The following NAF1 variants were observed in gnomAD, a reference collection of about 807,000 sequenced individuals.
NAF1 encodes the protein nuclear assembly factor 1 ribonucleoprotein, also known as H/ACA ribonucleoprotein complex non-core subunit NAF1.
Under a neutral mutation model 40.6 loss-of-function variants are expected in NAF1, and 11 were observed. The ratio of observed to expected loss-of-function variants is 0.27; its 90% CI spans 0.17 to 0.45. The LOEUF (loss-of-function observed/expected upper bound fraction) is 0.45. Among genes scored for constraint, NAF1 ranks in the 20% least tolerant of loss-of-function variants. The pLI is 1.00. For synonymous variants in NAF1, 260 were observed against 228.5 expected (o/e 1.14, Z -1.24); for missense variants, 607 against 611.1 (o/e 0.99, Z 0.07).
rs138394905 is a variant in NAF1 at position 163,165,276 on chromosome 4, T to C, written c.366-885A>G. Among the ~76,000 whole-genome samples the C allele has an allele frequency of 7.9e-3, 1,199 of 152,340 alleles. 9 individuals are homozygous for C. The highest frequency in any genetic ancestry group is 0.061 in the Middle Eastern group (18 of 294). On this transcript the variant is annotated intron_variant, in intron 1 of 7. Coordinates refer to ENST00000274054, the MANE Select transcript of NAF1 (RefSeq NM_138386.3). The stretch of plus-strand genomic sequence containing the variant: ...TTCACTGCTGTTAACTGGCAAAAAG[T>C]TGTACCCCTTTTGACTTCTTCAAAT...
downstream of NAF1, among the ~76,000 whole-genome samples, chr4:163,122,530 T>C (rs1314803759): frequency 6.6e-6 from 1 of 152,234 alleles, no homozygotes; most frequent in Non-Finnish European, 1.5e-5. Context: ...TACTAGTCAC[T>C]TACCTACACA....
At chr4:163,152,884 T>C (rs1164796181) in intron 2 of NAF1, among the ~76,000 whole-genome samples, 1 of 152,182 alleles carries the variant, frequency 6.6e-6, no homozygotes, top group East Asian at 1.9e-4. Flanking sequence ...CGCGCGGCGC[T>C]TGCGGGCCAG....
chr4:163,154,224 C>T (rs558821014), intron 2 of NAF1, among the ~76,000 whole-genome samples: 1 of 152,344 alleles, frequency 6.6e-6, no homozygotes, highest in South Asian at 2.1e-4. Context: ...CACACTAGTA[C>T]TCTGTAATAT....
chr4:163,107,262 C>T (rs1310801285), downstream of NAF1, among the ~76,000 whole-genome samples: 1 of 152,232 alleles, frequency 6.6e-6, no homozygotes, highest in Non-Finnish European at 1.5e-5. Flanking sequence ...GTTGGGATTA[C>T]AGGCATGAGC....
chr4:163,118,414 T>G (rs1358321182), intron 2 of NAF1, among the ~76,000 whole-genome samples: 5 of 152,222 alleles, frequency 3.3e-5, no homozygotes, highest in African/African-American at 1.2e-4. Flanking sequence ...GTATGAGAAC[T>G]GAAGTCTATT....
At chr4:163,133,719 T>C (rs1464765658) in intron 6 of NAF1, 1 of 153,776 alleles carries the variant, frequency 6.5e-6, no homozygotes, top group Non-Finnish European at 1.4e-5. Flanking sequence ...TTAAATATAA[T>C]TTTAGGTACA....
chr4:163,127,840 G>A (rs1275352517), downstream of NAF1, among the ~76,000 whole-genome samples: 2 of 152,118 alleles, frequency 1.3e-5, no homozygotes, highest in Non-Finnish European at 2.9e-5. Flanking sequence ...TACAAATACT[G>A]TTTCCTAAGT....
At chr4:163,125,306 G>A (rs1390074345), downstream of NAF1, among the ~76,000 whole-genome samples, 2 of 152,208 alleles carry the variant, frequency 1.3e-5, no homozygotes, top group South Asian at 2.1e-4. Context: ...GACAGCTGAG[G>A]CAAACTAAAA....
intron 2 of NAF1, chr4:163,157,572 T>C (rs1010750857): frequency 2.0e-5 from 3 of 151,942 alleles, no homozygotes; most frequent in Non-Finnish European, 4.4e-5. Flanking sequence ...AGAAATTATA[T>C]ACTAGATCCC....
intron 2 of NAF1, among the ~76,000 whole-genome samples, chr4:163,118,898 T>C (rs1428535996): frequency 6.6e-6 from 1 of 152,264 alleles, no homozygotes; most frequent in Non-Finnish European, 1.5e-5. Flanking sequence ...GTCCTTTGAC[T>C]AGAACTCTAT....
At chr4:163,110,988 T>C (rs1416193950) in intron 2 of NAF1, among the ~76,000 whole-genome samples, 1 of 152,180 alleles carries the variant, frequency 6.6e-6, no homozygotes, top group African/African-American at 2.4e-5. Context: ...CCGGAAACAT[T>C]TTAAAAAAGG....
At chr4:163,123,002 T>C (rs564696700), downstream of NAF1, among the ~76,000 whole-genome samples, 48 of 152,372 alleles carry the variant, frequency 3.2e-4, no homozygotes, top group Non-Finnish European at 5.6e-4. Context: ...TGTAATAGTC[T>C]GTTTTATATT....
At chr4:163,109,964 T>C (rs1730113379), downstream of NAF1, 1 of 340,578 alleles carries the variant, frequency 2.9e-6, no homozygotes, top group Non-Finnish European at 5.3e-6. Flanking sequence ...ATGTAATCCT[T>C]ATCTTACTTT....
chr4:163,148,671 T>C (rs6823843), intron 2 of NAF1, among the ~76,000 whole-genome samples: 39,891 of 151,992 alleles, frequency 0.26, 5,638 homozygotes, highest in African/African-American at 0.37. Context: ...TCAGTTAGAC[T>C]AAGAACACAG....
chr4:163,104,803 G>T, the NAF1 span, among the ~76,000 whole-genome samples: 1 of 152,190 alleles, frequency 6.6e-6, no homozygotes, highest in Non-Finnish European at 1.5e-5. Context: ...TGATCACTTA[G>T]ATCTTGTGAA....
At chr4:163,145,291 C>G (rs779445908) in intron 4 of NAF1, among the ~76,000 whole-genome samples, 3 of 152,180 alleles carry the variant, frequency 2.0e-5, no homozygotes, top group African/African-American at 4.8e-5. Context: ...GATGTGCCTA[C>G]AGTGACAATT....
chr4:163,117,715 ACACG>A (rs1191015138), intron 2 of NAF1, among the ~76,000 whole-genome samples: 2 of 151,324 alleles, frequency 1.3e-5, no homozygotes, highest in African/African-American at 4.9e-5. Flanking sequence ...ACACACACAC[ACACG>A]CATGAATACA....
At chr4:163,143,844 A>C (rs905054472) in intron 4 of NAF1, 2 of 179,698 alleles carry the variant, frequency 1.1e-5, no homozygotes, top group Non-Finnish European at 2.1e-5. Context: ...GTCTTTTATC[A>C]ATCACTTTGT....
chr4:163,160,610 G>T (rs1399255076), intron 2 of NAF1, among the ~76,000 whole-genome samples: 1 of 152,132 alleles, frequency 6.6e-6, no homozygotes, highest in African/African-American at 2.4e-5. Flanking sequence ...AGACTAAATG[G>T]AGGTAAAAAT....
Sources: gnomAD v4.1 joint callset for allele counts (sites outside exome capture counted in the v4.1 genomes callset) on GRCh38, gnomAD v4.1.1 for gene constraint, MANE v1.5 for transcripts, NCBI Gene and HGNC (gene_info 2026-07-23, HGNC 2026-07-21) for gene names.